The following DCUN1D4 variants were observed in gnomAD, a reference collection of about 807,000 sequenced individuals.
The protein encoded by DCUN1D4 is DCN1-like protein 4.
A neutral mutation model predicts 47.9 loss-of-function variants in DCUN1D4; 22 were observed. The observed-to-expected ratio is 0.46, with a 90% confidence interval of 0.33 to 0.66. The LOEUF is 0.66. Among genes scored for constraint, DCUN1D4 ranks in the 30% least tolerant of loss-of-function variants. The pLI is 0.02. For synonymous variants in DCUN1D4, 121 were observed against 112.2 expected (o/e 1.08, Z -0.50); for missense variants, 301 against 340.8 (o/e 0.88, Z 0.92).
Position 51,886,729 on chromosome 4 carries a change from G to T in DCUN1D4, c.414+91G>T, listed in dbSNP as rs879040528. 1.8e-5 allele frequency: 19 copies of T among 1,066,798 alleles called. No individual in the cohort carries two copies. The South Asian group carries it at 2.7e-4, about 15-fold the overall frequency. The allele number at this position is 1,066,798 out of a possible 1,614,324, so 66.1% of individuals were successfully genotyped here. On this transcript the variant is annotated intron_variant, in intron 6 of 10. Coordinates refer to ENST00000334635, the MANE Select transcript of DCUN1D4 (RefSeq NM_001040402.3). ...TAGCAAATAAATAAATAATTAAAAA[G>T]TAGTGGTATGTTAGTTTTTATGAAG...
At chr4:51,843,795 G>A in intron 1 of DCUN1D4, 4 of 100,616 alleles carry the variant, frequency 4.0e-5, no homozygotes, top group Non-Finnish European at 6.6e-5. Flanking sequence ...GGGCTGGTTG[G>A]CGGGGGGGTG....
intron 1 of DCUN1D4, among the ~76,000 whole-genome samples, chr4:51,848,842 A>G (rs188303184): frequency 1.8e-4 from 28 of 152,288 alleles, no homozygotes; most frequent in African/African-American, 6.5e-4. Context: ...TAGGCTTGTC[A>G]TTTGTAACTA....
Position 51,850,200 on chromosome 4 carries a change from G to A in DCUN1D4, c.25+6933G>A, listed in dbSNP as rs978741624. ...ATAATAAAGGCATGATAAATCTCTC[G>A]TTTTTACTGAACTATGAAATCCAAA... is the stretch of plus-strand genomic sequence containing the variant. On this transcript the variant is annotated intron_variant, in intron 1 of 10. Coordinates refer to ENST00000334635, the MANE Select transcript of DCUN1D4 (RefSeq NM_001040402.3). 3.9e-5 allele frequency among the ~76,000 whole-genome samples: 6 copies of A among 152,274 alleles called. 1 individual carries two copies. The highest frequency in any genetic ancestry group is 6.5e-5 in the Admixed American group (1 of 15,284).
At chr4:51,887,215 C>A (rs1683085571) in intron 6 of DCUN1D4, 1 of 410,908 alleles carries the variant, frequency 2.4e-6, no homozygotes, top group Non-Finnish European at 4.8e-6. Flanking sequence ...ATTTCCCCTG[C>A]CTCAGCCTCC....
the DCUN1D4 span, among the ~76,000 whole-genome samples, chr4:51,837,892 T>C: frequency 6.6e-6 from 1 of 152,120 alleles, no homozygotes; most frequent in Non-Finnish European, 1.5e-5. Context: ...TTTAAAAGTA[T>C]AGGGCCAGGC....
intron 1 of DCUN1D4, among the ~76,000 whole-genome samples, chr4:51,862,595 A>G (rs982960701): frequency 2.0e-5 from 3 of 152,240 alleles, no homozygotes; most frequent in African/African-American, 7.2e-5. Context: ...AATAGGAAAG[A>G]AGGAACTAAT....
At chr4:51,834,095 T>C in the DCUN1D4 span, among the ~76,000 whole-genome samples, 5 of 136,558 alleles carry the variant, frequency 3.7e-5, no homozygotes. Flanking sequence ...TCTTTTCTTT[T>C]CTTCTTTCTT....
chr4:51,850,480 C>A (rs1350456431), intron 1 of DCUN1D4, among the ~76,000 whole-genome samples: 1 of 152,150 alleles, frequency 6.6e-6, no homozygotes, highest in African/African-American at 2.4e-5. Context: ...TCTGTCATCT[C>A]CTAGCCAAGG....
At chr4:51,841,806 C>G (rs1721674156), upstream of DCUN1D4, among the ~76,000 whole-genome samples, 1 of 151,994 alleles carries the variant, frequency 6.6e-6, no homozygotes, top group Non-Finnish European at 1.5e-5. Flanking sequence ...AACCCAAAAG[C>G]CTGGGCTGTA....
the DCUN1D4 span, among the ~76,000 whole-genome samples, chr4:51,834,042 T>TTC: frequency 0.033 from 1,722 of 51,850 alleles, 37 homozygotes; most frequent in Non-Finnish European, 0.042. Flanking sequence ...TTAGGAGTCT[T>TTC]TCTCTCTCTC....
At chr4:51,845,426 GAGAAT>G (rs1229634860) in intron 1 of DCUN1D4, among the ~76,000 whole-genome samples, 1 of 152,208 alleles carries the variant, frequency 6.6e-6, no homozygotes, top group East Asian at 1.9e-4. Context: ...GAAAGCAAAT[GAGAAT>G]AGAAGAAAAC....
the DCUN1D4 span, among the ~76,000 whole-genome samples, chr4:51,836,231 T>C: frequency 6.6e-6 from 1 of 152,182 alleles, no homozygotes; most frequent in Non-Finnish European, 1.5e-5. Flanking sequence ...CATGAGTGGG[T>C]TGCAGGCCTT....
intron 1 of DCUN1D4, among the ~76,000 whole-genome samples, chr4:51,862,555 C>A (rs1310127950): frequency 6.6e-6 from 1 of 152,102 alleles, no homozygotes; most frequent in Non-Finnish European, 1.5e-5. Context: ...GTTACAATAT[C>A]TTTTCATGGT....
intron 1 of DCUN1D4, chr4:51,843,751 GA>G: frequency 8.5e-7 from 1 of 1,175,158 alleles, no homozygotes; most frequent in Middle Eastern, 3.3e-4. Flanking sequence ...GGGTGAGTGC[GA>G]GGGGGGCGCG....
At position 51,880,711 on chromosome 4, in the gene DCUN1D4, G is replaced by GTAC. The variant is rs575695379; in HGVS notation, c.343+2859_343+2861dup. Among the ~76,000 whole-genome samples, 626 of 152,266 alleles carry GTAC rather than the reference G, an allele frequency of 4.1e-3. 4 individuals carry two copies. Among genetic ancestry groups the GTAC allele is most frequent in the Middle Eastern group, 6.8e-3 (2 of 294 alleles). ...TTCCTCCTGTTCTCTGGTTGTAGGT[G>GTAC]TACTCCCTTTCACACTTTGGTACTT... is the stretch of plus-strand genomic sequence containing the variant. On this transcript the variant is annotated intron_variant, in intron 5 of 10. Coordinates refer to ENST00000334635, the MANE Select transcript of DCUN1D4 (RefSeq NM_001040402.3).
chr4:51,903,052 TA>T (rs1389935270), intron 8 of DCUN1D4, among the ~76,000 whole-genome samples: 3 of 152,224 alleles, frequency 2.0e-5, no homozygotes, highest in Admixed American at 6.5e-5. Flanking sequence ...AATATGCTAC[TA>T]TAACTTTTGC....
the DCUN1D4 span, among the ~76,000 whole-genome samples, chr4:51,834,114 C>CTTTTCTTTTT: frequency 2.7e-5 from 1 of 37,198 alleles, no homozygotes; most frequent in Non-Finnish European, 5.2e-5. Context: ...TTTTTTTTTT[C>CTTTTCTTTTT]TTTTTTTTTT....
intron 3 of DCUN1D4, among the ~76,000 whole-genome samples, chr4:51,871,582 G>A (rs1364074783): frequency 6.6e-6 from 1 of 152,194 alleles, no homozygotes; most frequent in Non-Finnish European, 1.5e-5. Context: ...TAGACTGGAA[G>A]CTAAGAACCA....
At chr4:51,898,593 C>T (rs1260314546) in intron 7 of DCUN1D4, among the ~76,000 whole-genome samples, 1 of 152,128 alleles carries the variant, frequency 6.6e-6, no homozygotes, top group Non-Finnish European at 1.5e-5. Context: ...CCACCATAAC[C>T]ATAGGAATCC....
Sources: gnomAD v4.1 joint callset for allele counts (sites outside exome capture counted in the v4.1 genomes callset) on GRCh38, gnomAD v4.1.1 for gene constraint, MANE v1.5 for transcripts, NCBI Gene and HGNC (gene_info 2026-07-23, HGNC 2026-07-21) for gene names.